Variants in MALRD1 observed in about 807,000 individuals in gnomAD.
The protein encoded by MALRD1 is MAM and LDL receptor class A domain containing 1, also known as MAM and LDL-receptor class A domain-containing protein 1.
MALRD1 carries 247 observed loss-of-function variants against 242.1 expected under a neutral mutation model. The ratio of observed to expected loss-of-function variants is 1.02; its 90% CI spans 0.92 to 1.13. The LOEUF is 1.13. MALRD1 is among the 50% of genes most tolerant of loss of function. The pLI, the probability that MALRD1 is intolerant of heterozygous loss-of-function variation, is 0.00. For missense variants in MALRD1, 2,989 were observed against 2,533.1 expected (o/e 1.18, Z -3.86); for synonymous variants, 995 against 866.6 (o/e 1.15, Z -2.60).
chr10:19,178,284 A>T (rs988139737), intron 14 of MALRD1, among the ~76,000 whole-genome samples: 66 of 152,134 alleles, frequency 4.3e-4, no homozygotes, highest in Non-Finnish European at 2.5e-4. Context: ...AAAAAAAGGC[A>T]TTTCTTATTG....
At chr10:19,493,536 G>T (rs942256242) in intron 30 of MALRD1, among the ~76,000 whole-genome samples, 17 of 151,698 alleles carry the variant, frequency 1.1e-4, no homozygotes, top group Non-Finnish European at 2.5e-4. Context: ...CCGGCCAGGC[G>T]CAGTGGCTCA....
chr10:19,409,075 C>T (rs758376891), intron 28 of MALRD1, among the ~76,000 whole-genome samples: 4 of 152,160 alleles, frequency 2.6e-5, no homozygotes, highest in African/African-American at 4.8e-5. Context: ...TATCTAGAAA[C>T]AACCCAGATG....
chr10:19,362,850 T>C (rs967166013), intron 26 of MALRD1, among the ~76,000 whole-genome samples: 1 of 152,058 alleles, frequency 6.6e-6, no homozygotes, highest in African/African-American at 2.4e-5. Context: ...GAAATGATAA[T>C]ACCATAGACT....
intron 21 of MALRD1, among the ~76,000 whole-genome samples, chr10:19,317,380 C>T (rs1842750531): frequency 6.6e-6 from 1 of 151,886 alleles, no homozygotes; most frequent in Non-Finnish European, 1.5e-5. Context: ...CCCAGTGGCC[C>T]CACTCCTTAA....
In MALRD1 at chr10:19,298,538, TGA is replaced by T. The variant is rs145133813; in HGVS notation, c.3419+15366_3419+15367del. On this transcript the variant is annotated intron_variant, in intron 21 of 39. Transcript: ENST00000454679. ...GGGAAAGGGAAATCTAAGGGGAACA[TGA>T]GAGAGAGACTATAGGAAATTATTAA... Among the ~76,000 whole-genome samples, 1,289 of 151,904 alleles carry T rather than the reference TGA, an allele frequency of 8.5e-3. 13 individuals carry two copies. Among genetic ancestry groups the T allele is most frequent in the African/African-American group, 0.03 (1,232 of 41,440 alleles).
chr10:19,269,353 G>A (rs1243608922), intron 19 of MALRD1, among the ~76,000 whole-genome samples: 4 of 152,202 alleles, frequency 2.6e-5, no homozygotes, highest in Non-Finnish European at 5.9e-5. Context: ...GCGCTCTCTC[G>A]CTCTCTTGCT....
chr10:19,386,719 T>TAC (rs764390463), intron 26 of MALRD1, among the ~76,000 whole-genome samples: 62 of 48,814 alleles, frequency 1.3e-3, no homozygotes, highest in African/African-American at 3.4e-3. Flanking sequence ...TACATATACA[T>TAC]ATACACACAC....
intron 33 of MALRD1, among the ~76,000 whole-genome samples, chr10:19,591,110 A>G (rs1323709556): frequency 2.0e-5 from 3 of 152,272 alleles, no homozygotes; most frequent in Middle Eastern, 3.4e-3. Flanking sequence ...TCCTGTCTCC[A>G]TAATTTTGCC....
At chr10:19,382,394 T>A (rs541941648) in intron 26 of MALRD1, among the ~76,000 whole-genome samples, 2 of 151,870 alleles carry the variant, frequency 1.3e-5, no homozygotes, top group South Asian at 4.2e-4. Context: ...CTTAGAGAAA[T>A]GGAGAGAAAT....
intron 24 of MALRD1, among the ~76,000 whole-genome samples, chr10:19,341,346 C>T (rs190419254): frequency 6.6e-6 from 1 of 151,470 alleles, no homozygotes; most frequent in African/African-American, 2.4e-5. Context: ...GTGAACAATA[C>T]ATACACATGT....
intron 18 of MALRD1, among the ~76,000 whole-genome samples, chr10:19,254,582 T>C (rs1839424644): frequency 6.6e-6 from 1 of 152,036 alleles, no homozygotes; most frequent in South Asian, 2.1e-4. Context: ...CAGGAATGCA[T>C]TGGAGTCCCA....
chr10:19,196,599 T>G (rs1836268906), intron 14 of MALRD1, among the ~76,000 whole-genome samples: 1 of 151,928 alleles, frequency 6.6e-6, no homozygotes, highest in Non-Finnish European at 1.5e-5. Context: ...ATTTTCTAAT[T>G]TATATCTCCA....
chr10:19,131,604 A>G (rs977806431), intron 8 of MALRD1, among the ~76,000 whole-genome samples: 1 of 152,134 alleles, frequency 6.6e-6, no homozygotes, highest in African/African-American at 2.4e-5. Context: ...TTCTTTACCA[A>G]ATTACATGGT....
intron 36 of MALRD1, among the ~76,000 whole-genome samples, chr10:19,678,936 C>T (rs1469172987): frequency 6.6e-6 from 1 of 152,046 alleles, no homozygotes; most frequent in African/African-American, 2.4e-5. Flanking sequence ...GTCTTTAGTT[C>T]TGTTTATGTG....
intron 36 of MALRD1, among the ~76,000 whole-genome samples, chr10:19,686,845 A>T (rs543548666): frequency 6.6e-6 from 1 of 152,332 alleles, no homozygotes; most frequent in East Asian, 1.9e-4. Context: ...GTAATAGTTT[A>T]AACTTCCAGA....
intron 28 of MALRD1, among the ~76,000 whole-genome samples, chr10:19,449,983 T>C (rs2131035977): frequency 6.6e-6 from 1 of 152,336 alleles, no homozygotes; most frequent in African/African-American, 2.4e-5. Flanking sequence ...TCTCAGCAGA[T>C]TGTTTCAGTA....
At chr10:19,576,165 C>T (rs1259681906) in intron 33 of MALRD1, among the ~76,000 whole-genome samples, 1 of 152,198 alleles carries the variant, frequency 6.6e-6, no homozygotes, top group Admixed American at 6.5e-5. Context: ...AATACCACTG[C>T]CTTCAAGTAA....
chr10:19,162,753 G>A (rs1324135869), intron 12 of MALRD1, among the ~76,000 whole-genome samples: 1 of 152,002 alleles, frequency 6.6e-6, no homozygotes, highest in Non-Finnish European at 1.5e-5. Context: ...AAGCAGTATG[G>A]CAACTCCACA....
intron 26 of MALRD1, among the ~76,000 whole-genome samples, chr10:19,362,386 T>C (rs1374833131): frequency 6.6e-6 from 1 of 152,144 alleles, no homozygotes; most frequent in Non-Finnish European, 1.5e-5. Flanking sequence ...TAACATACCC[T>C]CACTCCCTCC....
Sources: allele counts gnomAD v4.1 joint callset (sites outside exome capture counted in the v4.1 genomes callset), GRCh38; gene constraint gnomAD v4.1.1; transcripts MANE v1.5; gene names NCBI Gene and HGNC (gene_info 2026-07-23, HGNC 2026-07-21).